The following ZNF385D variants were observed in gnomAD, a reference collection of about 807,000 sequenced individuals.
The protein encoded by ZNF385D is zinc finger protein 385D.
In ZNF385D, 15 loss-of-function variants were observed where a neutral mutation model predicts 35.8. That is an observed-to-expected ratio of 0.42 (90% CI 0.28 to 0.64). The LOEUF (loss-of-function observed/expected upper bound fraction) is 0.64. ZNF385D is among the 30% of genes least tolerant of loss of function. The pLI is 0.23. For missense variants in ZNF385D, 474 were observed against 494.6 expected (o/e 0.96, Z 0.39); for synonymous variants, 212 against 186.8 (o/e 1.13, Z -1.10).
intron 3 of ZNF385D, among the ~76,000 whole-genome samples, chr3:22,126,744 C>T (rs1703454810): frequency 6.6e-6 from 1 of 152,090 alleles, no homozygotes; most frequent in South Asian, 2.1e-4. Flanking sequence ...TGTTGATTTT[C>T]TGTGTGCATT....
intron 3 of ZNF385D, among the ~76,000 whole-genome samples, chr3:22,102,813 C>T (rs779187): frequency 6.0e-5 from 9 of 151,070 alleles, no homozygotes; most frequent in African/African-American, 1.2e-4. Flanking sequence ...CTGATCACTG[C>T]GAAAGGACTC....
intron 3 of ZNF385D, among the ~76,000 whole-genome samples, chr3:21,886,458 G>A (rs9813147): frequency 0.012 from 1,792 of 151,884 alleles, 33 homozygotes; most frequent in African/African-American, 0.039. Flanking sequence ...TTCACCTCCC[G>A]TCCTCTCTGA....
intron 2 of ZNF385D, among the ~76,000 whole-genome samples, chr3:22,232,775 A>T (rs1321645647): frequency 6.6e-6 from 1 of 152,038 alleles, no homozygotes; most frequent in African/African-American, 2.4e-5. Context: ...TTCTTTACCC[A>T]GTTTGTCATT....
At chr3:21,844,590 A>G (rs1205495994) in intron 3 of ZNF385D, among the ~76,000 whole-genome samples, 3 of 152,032 alleles carry the variant, frequency 2.0e-5, no homozygotes, top group Non-Finnish European at 4.4e-5. Context: ...CCAAACCAAA[A>G]GGAAAGATGT....
intron 3 of ZNF385D, among the ~76,000 whole-genome samples, chr3:21,916,502 C>T (rs1351995722): frequency 6.6e-6 from 1 of 152,058 alleles, no homozygotes; most frequent in Non-Finnish European, 1.5e-5. Context: ...AACAAAAATC[C>T]ACATATTTCT....
chr3:21,516,566 T>C (rs758992876), intron 3 of ZNF385D, among the ~76,000 whole-genome samples: 6 of 152,172 alleles, frequency 3.9e-5, no homozygotes, highest in Non-Finnish European at 8.8e-5. Flanking sequence ...ACGTTACTCT[T>C]GTTTATAGTA....
intron 2 of ZNF385D, among the ~76,000 whole-genome samples, chr3:22,193,609 T>C (rs1696209971): frequency 6.6e-6 from 1 of 152,058 alleles, no homozygotes; most frequent in South Asian, 2.1e-4. Flanking sequence ...TCTAATCTAT[T>C]TGACCACTGA....
intron 2 of ZNF385D, among the ~76,000 whole-genome samples, chr3:22,287,888 C>A (rs1005917635): frequency 6.6e-6 from 1 of 151,928 alleles, no homozygotes; most frequent in African/African-American, 2.4e-5. Context: ...TAATTTGCAT[C>A]CTTTTCATTC....
intron 3 of ZNF385D, among the ~76,000 whole-genome samples, chr3:22,046,455 G>C (rs1699011772): frequency 6.6e-6 from 1 of 151,974 alleles, no homozygotes; most frequent in African/African-American, 2.4e-5. Flanking sequence ...AAATTGTTTT[G>C]CTGATATTTA....
chr3:22,170,633 T>A (rs1448813475), intron 2 of ZNF385D, among the ~76,000 whole-genome samples: 2 of 152,198 alleles, frequency 1.3e-5, no homozygotes, highest in African/African-American at 2.4e-5. Flanking sequence ...TAAATGGTCA[T>A]TTTAAAAGAA....
chr3:22,034,901 T>A (rs1016714896), intron 3 of ZNF385D, among the ~76,000 whole-genome samples: 3 of 152,206 alleles, frequency 2.0e-5, no homozygotes, highest in African/African-American at 7.2e-5. Context: ...CGGAGATATG[T>A]TGAATTTATC....
chr3:22,252,225 G>A (rs973071507), intron 2 of ZNF385D, among the ~76,000 whole-genome samples: 1 of 151,984 alleles, frequency 6.6e-6, no homozygotes, highest in African/African-American at 2.4e-5. Flanking sequence ...CTTAGCACAT[G>A]TTTTAGCCAA....
intron 3 of ZNF385D, among the ~76,000 whole-genome samples, chr3:21,528,985 T>C (rs900745036): frequency 2.6e-5 from 4 of 152,222 alleles, no homozygotes; most frequent in South Asian, 2.1e-4. Context: ...AGTATTTCTT[T>C]AGAAAGACTA....
At chr3:22,345,203 T>C (rs1695603447) in intron 2 of ZNF385D, among the ~76,000 whole-genome samples, 1 of 152,220 alleles carries the variant, frequency 6.6e-6, no homozygotes, top group Admixed American at 6.5e-5. Flanking sequence ...ACTGCCTTTA[T>C]GGTAGTTCTC....
At chr3:22,197,697 C>A (rs1242374812) in intron 2 of ZNF385D, among the ~76,000 whole-genome samples, 1 of 152,076 alleles carries the variant, frequency 6.6e-6, no homozygotes, top group Non-Finnish European at 1.5e-5. Flanking sequence ...CAGCCAGATG[C>A]TCTGCTTATA....
At chr3:22,021,549 T>C (rs1004954652) in intron 3 of ZNF385D, among the ~76,000 whole-genome samples, 20 of 152,120 alleles carry the variant, frequency 1.3e-4, no homozygotes, top group African/African-American at 4.8e-4. Context: ...TTTAATTCGC[T>C]CAGCCTCAGT....
intron 3 of ZNF385D, among the ~76,000 whole-genome samples, chr3:21,872,118 A>G (rs1288368984): frequency 6.6e-6 from 1 of 152,150 alleles, no homozygotes; most frequent in African/African-American, 2.4e-5. Context: ...TAAGGTCTTC[A>G]TTTGTAGAAG....
At chr3:22,131,926 A>G (rs1703818806) in intron 3 of ZNF385D, among the ~76,000 whole-genome samples, 1 of 152,204 alleles carries the variant, frequency 6.6e-6, no homozygotes, top group Admixed American at 6.6e-5. Flanking sequence ...ATGCTAATGA[A>G]TTTAAAATAA....
At chr3:21,998,377 C>A (rs1272391706) in intron 3 of ZNF385D, among the ~76,000 whole-genome samples, 3 of 152,158 alleles carry the variant, frequency 2.0e-5, no homozygotes, top group Admixed American at 2.0e-4. Context: ...AGCCAAGAAC[C>A]CTCCCAAGCT....
Sources: gnomAD v4.1 joint callset for allele counts (sites outside exome capture counted in the v4.1 genomes callset) on GRCh38, gnomAD v4.1.1 for gene constraint, MANE v1.5 for transcripts, NCBI Gene and HGNC (gene_info 2026-07-23, HGNC 2026-07-21) for gene names.